PLD5: variants seen among roughly 807,000 people sequenced by gnomAD.
The protein encoded by PLD5 is phospholipase D family member 5.
Under a neutral mutation model 61.1 loss-of-function variants are expected in PLD5, and 36 were observed. The ratio of observed to expected loss-of-function variants is 0.59; its 90% CI spans 0.45 to 0.78. PLD5 has a LOEUF of 0.78. Among genes scored for constraint, PLD5 ranks in the 30% least tolerant of loss-of-function variants. PLD5 has a pLI of 0.00. For missense variants in PLD5, 515 were observed against 644.4 expected (o/e 0.80, Z 2.17); for synonymous variants, 243 against 242.8 (o/e 1.00, Z -0.01).
At chr1:242,117,246 C>T (rs1346020245) in intron 6 of PLD5, among the ~76,000 whole-genome samples, 2 of 152,158 alleles carry the variant, frequency 1.3e-5, no homozygotes, top group African/African-American at 2.4e-5. Flanking sequence ...TACCAGTCCA[C>T]GGCTGTGCCC....
chr1:242,284,295 G>A (rs1452209743), intron 3 of PLD5, among the ~76,000 whole-genome samples: 2 of 151,606 alleles, frequency 1.3e-5, no homozygotes, highest in African/African-American at 4.8e-5. Flanking sequence ...GTGCCACCAC[G>A]CCCAGCTAAT....
At chr1:242,312,987 C>T (rs1484248740) in intron 2 of PLD5, among the ~76,000 whole-genome samples, 1 of 152,226 alleles carries the variant, frequency 6.6e-6, no homozygotes, top group African/African-American at 2.4e-5. Context: ...CTGCCATCTT[C>T]CTGATGTCCT....
intron 5 of PLD5, among the ~76,000 whole-genome samples, chr1:242,136,984 T>C (rs1663783158): frequency 1.3e-5 from 2 of 152,172 alleles, no homozygotes; most frequent in Admixed American, 6.6e-5. Context: ...AGAAAACTTA[T>C]GCAAGTAGTT....
At chr1:242,393,019 C>G (rs1663024949) in intron 1 of PLD5, among the ~76,000 whole-genome samples, 1 of 150,888 alleles carries the variant, frequency 6.6e-6, no homozygotes, top group Admixed American at 6.6e-5. Flanking sequence ...GCCTGGCCAA[C>G]ATGGTGAAAC....
chr1:242,313,390 G>A (rs1350490111), intron 2 of PLD5, among the ~76,000 whole-genome samples: 2 of 152,228 alleles, frequency 1.3e-5, no homozygotes, highest in Middle Eastern at 3.4e-3. Flanking sequence ...TTGCTGTCAT[G>A]TTTTGTTTTC....
intron 5 of PLD5, among the ~76,000 whole-genome samples, chr1:242,209,630 A>G (rs1669665328): frequency 6.6e-6 from 1 of 151,728 alleles, no homozygotes; most frequent in Non-Finnish European, 1.5e-5. Context: ...TAAATGTTGC[A>G]TGTGTTCTGA....
chr1:242,480,330 A>G (rs1331057713), intron 1 of PLD5, among the ~76,000 whole-genome samples: 1 of 152,214 alleles, frequency 6.6e-6, no homozygotes, highest in African/African-American at 2.4e-5. Flanking sequence ...AATAAACTTT[A>G]AACCCTATCT....
intron 1 of PLD5, among the ~76,000 whole-genome samples, chr1:242,419,386 G>GTTT (rs58320205): frequency 1.5e-4 from 14 of 96,502 alleles, no homozygotes; most frequent in Non-Finnish European, 1.9e-4. Context: ...CCTGATTTTT[G>GTTT]TTTTTTTTTT....
At chr1:242,486,334 T>A (rs1293762901) in intron 1 of PLD5, among the ~76,000 whole-genome samples, 1 of 151,974 alleles carries the variant, frequency 6.6e-6, no homozygotes, top group East Asian at 1.9e-4. Flanking sequence ...AGGGCTAATA[T>A]CCAGAATCTA....
At chr1:242,329,053 G>A (rs1430349642) in intron 2 of PLD5, among the ~76,000 whole-genome samples, 1 of 151,680 alleles carries the variant, frequency 6.6e-6, no homozygotes, top group Non-Finnish European at 1.5e-5. Flanking sequence ...CTGTCACCCA[G>A]GGTGGAGTGC....
chr1:242,492,758 C>G (rs1032432238), intron 1 of PLD5, among the ~76,000 whole-genome samples: 17 of 152,152 alleles, frequency 1.1e-4, no homozygotes, highest in Non-Finnish European at 2.1e-4. Flanking sequence ...ACCAATAGAT[C>G]CAGTGCCTGA....
chr1:242,319,970 C>A (rs1320084698), intron 2 of PLD5, among the ~76,000 whole-genome samples: 1 of 152,226 alleles, frequency 6.6e-6, no homozygotes, highest in Admixed American at 6.5e-5. Context: ...CCAATACCTG[C>A]TTTTTTCCCT....
intron 1 of PLD5, among the ~76,000 whole-genome samples, chr1:242,475,422 CAAA>C (rs5782239): frequency 1.1e-5 from 1 of 91,478 alleles, no homozygotes; most frequent in African/African-American, 4.1e-5. Context: ...GACTCCGTCT[CAAA>C]AAAAAAAAAA....
intron 1 of PLD5, among the ~76,000 whole-genome samples, chr1:242,441,326 GGTGTGTGTGGTGTT>G (rs909713816): frequency 7.2e-5 from 11 of 152,078 alleles, no homozygotes; most frequent in Admixed American, 6.6e-4. Context: ...GTTTTTAGTA[GGTGTGTGTGGTGTT>G]GTGTGTGTGT....
chr1:242,440,176 C>A (rs933481432), intron 1 of PLD5, among the ~76,000 whole-genome samples: 9 of 152,144 alleles, frequency 5.9e-5, no homozygotes, highest in Non-Finnish European at 1.2e-4. Context: ...TTGAAACAAT[C>A]CTTAATAAAA....
intron 2 of PLD5, among the ~76,000 whole-genome samples, chr1:242,307,177 A>C (rs1408389615): frequency 1.3e-5 from 2 of 152,206 alleles, no homozygotes; most frequent in Non-Finnish European, 2.9e-5. Flanking sequence ...GAGCTGAACA[A>C]CTTCCAGATT....
At chr1:242,272,830 TAGAG>T (rs1674179463) in intron 3 of PLD5, among the ~76,000 whole-genome samples, 1 of 152,152 alleles carries the variant, frequency 6.6e-6, no homozygotes, top group South Asian at 2.1e-4. Context: ...ATTAACATGG[TAGAG>T]GCATAAGAAT....
chr1:242,183,476 G>A (rs1667652469), intron 5 of PLD5, among the ~76,000 whole-genome samples: 1 of 152,174 alleles, frequency 6.6e-6, no homozygotes, highest in African/African-American at 2.4e-5. Flanking sequence ...AGAGTAAGGG[G>A]AAAAGCAATT....
chr1:242,091,273 G>A (rs550056366), intron 9 of PLD5, among the ~76,000 whole-genome samples: 6 of 152,280 alleles, frequency 3.9e-5, no homozygotes, highest in African/African-American at 9.6e-5. Flanking sequence ...GGAGGGACAC[G>A]ATTCAGCTCA....
Sources: allele counts gnomAD v4.1 joint callset (sites outside exome capture counted in the v4.1 genomes callset), GRCh38; gene constraint gnomAD v4.1.1; transcripts MANE v1.5; gene names NCBI Gene and HGNC (gene_info 2026-07-23, HGNC 2026-07-21).